CFAP54: variants seen among roughly 807,000 people sequenced by gnomAD.
The protein encoded by CFAP54 is cilia- and flagella-associated protein 54.
CFAP54 carries 290 observed loss-of-function variants against 370.4 expected under a neutral mutation model. The observed-to-expected ratio is 0.78, with a 90% CI of 0.71 to 0.86. CFAP54 has a LOEUF of 0.86. CFAP54 is among the 40% of genes least tolerant of loss of function. CFAP54 has a pLI of 0.00. For synonymous variants in CFAP54, 1,206 were observed against 1,236.5 expected (o/e 0.98, Z 0.52); for missense variants, 3,399 against 3,528.7 (o/e 0.96, Z 0.93).
intron 39 of CFAP54, among the ~76,000 whole-genome samples, chr12:96,666,255 G>T (rs1421410): frequency 6.6e-6 from 1 of 152,278 alleles, no homozygotes; most frequent in Admixed American, 6.5e-5. Flanking sequence ...TCTGTTTCAA[G>T]TCCCATAATA....
At chr12:96,575,130 A>G (rs755916015) in intron 19 of CFAP54, among the ~76,000 whole-genome samples, 7 of 152,086 alleles carry the variant, frequency 4.6e-5, no homozygotes, top group Non-Finnish European at 8.8e-5. Flanking sequence ...AATGACGTTG[A>G]ACATCTTTTC....
At chr12:96,666,497 A>G (rs1163587500) in intron 39 of CFAP54, among the ~76,000 whole-genome samples, 3 of 152,200 alleles carry the variant, frequency 2.0e-5, no homozygotes, top group Non-Finnish European at 2.9e-5. Flanking sequence ...ATGGCTGGAG[A>G]GGCCACACAA....
chr12:96,718,796 T>C (rs1197054588), intron 49 of CFAP54, among the ~76,000 whole-genome samples: 1 of 152,196 alleles, frequency 6.6e-6, no homozygotes, highest in Admixed American at 6.5e-5. Context: ...CCCAGCACTT[T>C]GGGAGGCCGA....
intron 26 of CFAP54, among the ~76,000 whole-genome samples, chr12:96,619,974 G>T (rs1051028491): frequency 2.0e-5 from 3 of 152,104 alleles, no homozygotes; most frequent in African/African-American, 7.2e-5. Context: ...GATTTTTAGA[G>T]ACCCTGCCTC....
rs567838047 is a variant in CFAP54 at position 96,664,184 on chromosome 12, A to T, written c.5563+252A>T. 2.0e-5 allele frequency among the ~76,000 whole-genome samples: 3 copies of T among 152,294 alleles called. No homozygotes were observed. The East Asian group carries it at 5.8e-4, about 29-fold the overall frequency. ...AGGGGTCCATGTGCAGGTTTGTTAC[A>T]TAGGTAAACTTGTGTCATGGGGGCT... On this transcript the variant is annotated intron_variant, in intron 39 of 67. Transcript: ENST00000524981.
In CFAP54 at chr12:96,744,291, T is replaced by A. The variant is rs1288316388; in HGVS notation, c.7684+145T>A. ...CATTTATTTAACCAATAGTTTTTGA[T>A]CACTTATCATATGCCAGACTGTGTG... is the stretch of plus-strand genomic sequence containing the variant. On this transcript the variant is annotated intron_variant, in intron 55 of 67. Transcript: ENST00000524981. 1.4e-5 allele frequency: 10 copies of A among 724,174 alleles called. No homozygotes were observed. The African/African-American group carries it at 1.4e-4, about 10-fold the overall frequency. The allele number at this position is 724,174 out of a possible 1,614,324, so 44.9% of individuals were successfully genotyped here.
At chr12:96,611,276 G>A (rs1198627165) in intron 26 of CFAP54, among the ~76,000 whole-genome samples, 2 of 152,250 alleles carry the variant, frequency 1.3e-5, no homozygotes, top group African/African-American at 4.8e-5. Context: ...CAGGCAAACA[G>A]CGTCTGGAGT....
chr12:96,837,992 G>A (rs1222016204), intron 66 of CFAP54, among the ~76,000 whole-genome samples: 1 of 152,078 alleles, frequency 6.6e-6, no homozygotes, highest in East Asian at 1.9e-4. Flanking sequence ...TTTTTAGAAG[G>A]GTTCACTAGT....
chr12:96,716,876 C>T (rs1218729570), intron 48 of CFAP54, among the ~76,000 whole-genome samples: 1 of 152,132 alleles, frequency 6.6e-6, no homozygotes, highest in African/African-American at 2.4e-5. Context: ...TATAAGTGAA[C>T]ATGATTAGTC....
chr12:96,809,891 T>C (rs1282217891), intron 63 of CFAP54, among the ~76,000 whole-genome samples: 1 of 152,152 alleles, frequency 6.6e-6, no homozygotes, highest in African/African-American at 2.4e-5. Flanking sequence ...GGGGCTGTTG[T>C]GGGGTAGCAG....
intron 17 of CFAP54, 56 bp downstream of exon 17, chr12:96,554,858 T>G: frequency 7.3e-7 from 1 of 1,369,394 alleles, no homozygotes; most frequent in South Asian, 1.9e-5. Context: ...CAGACTCCAG[T>G]ACAGAATCAA....
chr12:96,766,526 T>A (rs917328735), intron 60 of CFAP54, among the ~76,000 whole-genome samples: 1 of 152,146 alleles, frequency 6.6e-6, no homozygotes, highest in Non-Finnish European at 1.5e-5. Context: ...CAGGAAAGCA[T>A]CTCTCTTAGA....
In CFAP54 at chr12:96,723,871, TC is replaced by T. The variant is rs780124503; in HGVS notation, c.6965+3308del. ...AGTCCCCAGAGTGTGATGTTCCCCT[TC>T]CTGTGTCCATGTGTTCTCAGTGTTC... On this transcript the variant is annotated intron_variant, in intron 50 of 67. Transcript: ENST00000524981. 7.6e-5 allele frequency among the ~76,000 whole-genome samples: 10 copies of T among 131,580 alleles called. No homozygotes were observed. The East Asian group carries it at 1.4e-3, about 19-fold the overall frequency. The allele number at this position is 131,580 out of a possible 152,430, so 86.3% of individuals were successfully genotyped here. A position where few individuals can be genotyped will look rare whatever the true frequency, so the allele number is the denominator to read the frequency against.
At chr12:96,835,560 T>G (rs1959183453) in intron 66 of CFAP54, among the ~76,000 whole-genome samples, 1 of 152,278 alleles carries the variant, frequency 6.6e-6, no homozygotes, top group South Asian at 2.1e-4. Context: ...CATGCAGGCT[T>G]GGCCCCGACT....
chr12:96,797,140 T>A (rs1958772457), intron 63 of CFAP54, among the ~76,000 whole-genome samples: 1 of 152,168 alleles, frequency 6.6e-6, no homozygotes. Flanking sequence ...TGTGGAGCTT[T>A]TCTAGTTATC....
intron 30 of CFAP54, among the ~76,000 whole-genome samples, chr12:96,627,471 C>A (rs1956560075): frequency 2.0e-5 from 3 of 152,208 alleles, no homozygotes; most frequent in Admixed American, 2.0e-4. Flanking sequence ...CCAAATGAAT[C>A]CAACTTTTCT....
chr12:96,837,469 A>G lies in CFAP54; in HGVS notation c.9171+8381A>G, dbSNP rs541181684. Among the ~76,000 whole-genome samples the G allele has an allele frequency of 3.3e-5, 5 of 152,192 alleles. No individual in the cohort carries two copies. In the East Asian group the frequency reaches 9.7e-4, roughly 29 times the overall value. ...TCCAGCCCATGGTTTATAACTTTGT[A>G]CTTAATAGTTTTTATCAAAATAAAT... On this transcript the variant is annotated intron_variant, in intron 66 of 67. Transcript: ENST00000524981.
intron 19 of CFAP54, among the ~76,000 whole-genome samples, chr12:96,574,013 A>G (rs1273526900): frequency 6.6e-6 from 1 of 152,224 alleles, no homozygotes; most frequent in African/African-American, 2.4e-5. Context: ...TTAGACCTTA[A>G]TGTCAACCAT....
Position 96,860,895 on chromosome 12 carries a change from C to T in CFAP54, c.9248C>T (p.Ser3083Leu). 2 of 1,534,964 alleles carry T rather than the reference C, an allele frequency of 1.3e-6. No individual in the cohort carries two copies. Among genetic ancestry groups the T allele is most frequent in the Non-Finnish European group, 1.7e-6 (2 of 1,146,152 alleles). The change falls in exon 67 of 68, where the codon TCA becomes TTA. Residue 3083 changes from serine (S) to leucine (L), a missense_variant. Physicochemically the swap from Ser to Leu is moderately radical, Grantham distance 145. This residue lies in a region of CFAP54 where 2,796 missense variants were observed against 2,869.7 expected (regional missense o/e 0.97). Transcript: ENST00000524981. ...LFDLANGCIL[S>L]GGSLFNWIVS... is the part of the protein sequence containing the mutation. The stretch of plus-strand genomic sequence containing the variant: ...GATCTGGCTAATGGTTGCATTTTAT[C>T]AGGAGGAAGCCTTTTCAACTGGATA...
Sources: allele counts gnomAD v4.1 joint callset (sites outside exome capture counted in the v4.1 genomes callset), GRCh38; gene constraint gnomAD v4.1.1; regional missense constraint gnomAD v4.1.1; transcripts MANE v1.5; gene names NCBI Gene and HGNC (gene_info 2026-07-23, HGNC 2026-07-21).